GRIN2A: variants seen among roughly 807,000 people sequenced by gnomAD.
GRIN2A encodes glutamate ionotropic receptor NMDA type subunit 2A.
Under a neutral mutation model 113.4 loss-of-function variants are expected in GRIN2A, and 22 were observed. The ratio of observed to expected loss-of-function variants is 0.19; its 90% CI spans 0.14 to 0.28. The LOEUF is 0.28. GRIN2A is among the 10% of genes least tolerant of loss of function. GRIN2A has a pLI of 1.00. For missense variants in GRIN2A, 1,502 were observed against 1,887.0 expected (o/e 0.80, Z 3.78); for synonymous variants, 827 against 738.4 (o/e 1.12, Z -1.94).
intron 2 of GRIN2A, among the ~76,000 whole-genome samples, chr16:9,941,049 C>T (rs1490912604): frequency 6.6e-6 from 1 of 152,152 alleles, no homozygotes; most frequent in African/African-American, 2.4e-5. Flanking sequence ...CAAAGGAAGC[C>T]AGTCACCAGA....
intron 2 of GRIN2A, among the ~76,000 whole-genome samples, chr16:10,158,647 G>C (rs1567339876): frequency 6.6e-6 from 1 of 152,196 alleles, no homozygotes; most frequent in Non-Finnish European, 1.5e-5. Flanking sequence ...AAAACATTAT[G>C]CTAAGTGAAA....
At chr16:9,875,169 T>A (rs2043339951) in intron 4 of GRIN2A, among the ~76,000 whole-genome samples, 1 of 151,786 alleles carries the variant, frequency 6.6e-6, no homozygotes, top group Admixed American at 6.5e-5. Context: ...TCTCGTCTCT[T>A]AAAAAAGGGT....
chr16:10,144,973 T>C (rs1473488376), intron 2 of GRIN2A, among the ~76,000 whole-genome samples: 1 of 139,382 alleles, frequency 7.2e-6, no homozygotes, highest in African/African-American at 2.6e-5. Flanking sequence ...ATGTGACATA[T>C]TTATACAATG....
At chr16:10,049,028 G>T (rs1441623879) in intron 2 of GRIN2A, among the ~76,000 whole-genome samples, 1 of 152,128 alleles carries the variant, frequency 6.6e-6, no homozygotes, top group East Asian at 1.9e-4. Flanking sequence ...CCCAGTCGTT[G>T]CTATTCCAAA....
At chr16:10,073,399 G>T (rs142037753) in intron 2 of GRIN2A, among the ~76,000 whole-genome samples, 4 of 152,122 alleles carry the variant, frequency 2.6e-5, no homozygotes, top group Admixed American at 6.6e-5. Context: ...CTGATATCAC[G>T]CAGGGTTGGT....
intron 2 of GRIN2A, among the ~76,000 whole-genome samples, chr16:9,972,006 T>C (rs1321647063): frequency 6.6e-6 from 1 of 151,820 alleles, no homozygotes; most frequent in Admixed American, 6.6e-5. Context: ...CTTTCTGGCC[T>C]GAGGAGGTGG....
chr16:9,973,563 T>C (rs1349144343), intron 2 of GRIN2A, among the ~76,000 whole-genome samples: 1 of 152,038 alleles, frequency 6.6e-6, no homozygotes, highest in Non-Finnish European at 1.5e-5. Context: ...AACTTACAAA[T>C]TCAAGAAACT....
At chr16:9,932,062 T>C (rs1199751746) in intron 3 of GRIN2A, among the ~76,000 whole-genome samples, 1 of 152,230 alleles carries the variant, frequency 6.6e-6, no homozygotes, top group Non-Finnish European at 1.5e-5. Context: ...ACCCAGATCC[T>C]ACTCCTCTTG....
intron 4 of GRIN2A, among the ~76,000 whole-genome samples, chr16:9,870,400 T>G (rs1444049723): frequency 6.6e-6 from 1 of 152,078 alleles, no homozygotes; most frequent in African/African-American, 2.4e-5. Context: ...AGATAGAAAT[T>G]TCAGATAATA....
chr16:9,764,502 C>G lies in GRIN2A; in HGVS notation c.3042G>C (p.Trp1014Cys), dbSNP rs1306036000. ...SKANSRPRQL[W>C]KKSVDSIRQD... ...GGCGTATGGAATCCACGGATTTCTTCCACAGCTGCCGGGGTCTAGAGTTCG... is the reference window on the plus strand; with the variant it reads ...GGCGTATGGAATCCACGGATTTCTTGCACAGCTGCCGGGGTCTAGAGTTCG... The change falls in exon 13 of 13, where the codon TGG (tryptophan) becomes TGC (cysteine). Residue 1014 changes from tryptophan (W) to cysteine (C), a missense_variant. Around this residue, in one of 7 missense-constraint regions of GRIN2A, gnomAD observed 832 missense variants for 789.7 expected, o/e 1.05. Coordinates refer to ENST00000330684, the MANE Select transcript of GRIN2A (RefSeq NM_001134407.3). The G allele has an allele frequency of 6.2e-7, 1 of 1,614,026 alleles. No individual in the cohort carries two copies. The highest frequency in any genetic ancestry group is 8.5e-7 in the Non-Finnish European group (1 of 1,180,042).
At chr16:9,872,282 C>T (rs9989388) in intron 4 of GRIN2A, among the ~76,000 whole-genome samples, 34,419 of 152,084 alleles carry the variant, frequency 0.23, 4,055 homozygotes, top group African/African-American at 0.25. Context: ...GCTCTCTAAC[C>T]CCAAACAGCT....
At chr16:9,879,002 G>A (rs561411698) in intron 4 of GRIN2A, among the ~76,000 whole-genome samples, 1 of 152,128 alleles carries the variant, frequency 6.6e-6, no homozygotes, top group Non-Finnish European at 1.5e-5. Context: ...TACTGTGTGA[G>A]TATTTAAAAT....
chr16:9,795,149 G>A (rs578176011), intron 11 of GRIN2A, among the ~76,000 whole-genome samples: 4 of 152,154 alleles, frequency 2.6e-5, no homozygotes, highest in Non-Finnish European at 5.9e-5. Flanking sequence ...GGCTGCATTC[G>A]TAAATGGCTT....
chr16:9,826,596 A>AT (rs956320635), intron 9 of GRIN2A, among the ~76,000 whole-genome samples: 32 of 151,556 alleles, frequency 2.1e-4, no homozygotes, highest in East Asian at 1.4e-3. Context: ...TTCAATATTG[A>AT]TTTTTTTTTG....
chr16:10,100,942 T>C (rs936868999), intron 2 of GRIN2A, among the ~76,000 whole-genome samples: 4 of 152,210 alleles, frequency 2.6e-5, no homozygotes, highest in Admixed American at 1.3e-4. Context: ...TTGGATCCGA[T>C]CTGCCTTCAA....
chr16:9,834,076 T>C (rs369871811), intron 8 of GRIN2A, 29 bp downstream of exon 8: 165 of 1,609,486 alleles, frequency 1.0e-4, no homozygotes, highest in Non-Finnish European at 1.3e-4. Context: ...TGCAACAACA[T>C]TGAATCATGC....
At chr16:10,151,245 G>C (rs1311992244) in intron 2 of GRIN2A, among the ~76,000 whole-genome samples, 2 of 152,296 alleles carry the variant, frequency 1.3e-5, no homozygotes, top group South Asian at 2.1e-4. Context: ...TGCCCTCAGA[G>C]TCCTGCCTAG....
intron 4 of GRIN2A, among the ~76,000 whole-genome samples, chr16:9,851,844 A>G (rs1409030134): frequency 2.6e-5 from 4 of 152,212 alleles, no homozygotes; most frequent in African/African-American, 9.6e-5. Context: ...TGAATGAGCC[A>G]AAAAGTACCA....
At chr16:9,807,379 G>A (rs958731998) in intron 10 of GRIN2A, among the ~76,000 whole-genome samples, 2 of 77,026 alleles carry the variant, frequency 2.6e-5, no homozygotes, top group African/African-American at 5.5e-5. Context: ...GGAGGGAGAG[G>A]GGGAGGGAGA....
Sources: gnomAD v4.1 joint callset for allele counts (sites outside exome capture counted in the v4.1 genomes callset) on GRCh38, gnomAD v4.1.1 for gene constraint, gnomAD v4.1.1 regional missense constraint, MANE v1.5 for transcripts, NCBI Gene and HGNC (gene_info 2026-07-23, HGNC 2026-07-21) for gene names.